Variants in PCDHA3 observed in about 807,000 individuals in gnomAD.
PCDHA3 encodes the protein protocadherin alpha-3.
In PCDHA3, 41 loss-of-function variants were observed where a neutral mutation model predicts 62.2. That is an observed-to-expected ratio of 0.66 (90% confidence interval 0.51 to 0.86). The LOEUF (loss-of-function observed/expected upper bound fraction) is 0.86. PCDHA3 is among the 40% of genes least tolerant of loss of function. The pLI is 0.00. For synonymous variants in PCDHA3, 640 were observed against 555.4 expected (o/e 1.15, Z -2.14); for missense variants, 1,304 against 1,241.2 (o/e 1.05, Z -0.76).
At position 140,810,442 on chromosome 5, in the gene PCDHA3, A is replaced by G. The variant is rs372953420; in HGVS notation, c.2394+6851A>G. 7 of 152,218 alleles carry G rather than the reference A, an allele frequency of 4.6e-5. No individual in the cohort carries two copies. In the East Asian group the frequency reaches 7.7e-4, roughly 17 times the overall value. 9.4% of individuals were successfully genotyped at this position (152,218 alleles called of 1,614,324 possible). On this transcript the variant is annotated intron_variant, in intron 1 of 3. Transcript: ENST00000522353. ...TTCCAAGATGTTTTTACCTGTTTAC[A>G]TTCCTAGTAGTGCATAAGGCTTTCT...
rs2150410181 is a variant in PCDHA3 at position 140,848,414 on chromosome 5, C to A, written c.2394+44823C>A. On this transcript the variant is annotated intron_variant, in intron 1 of 3. Transcript: ENST00000522353. ...CTGTGCTGAACGATGGCGAACACAGCAGAATGGGACTGACGAAATCAGATG... is the reference window on the plus strand; with the variant it reads ...CTGTGCTGAACGATGGCGAACACAGAAGAATGGGACTGACGAAATCAGATG... The A allele has an allele frequency of 1.2e-3, 1,716 of 1,381,822 alleles. 109 individuals carry two copies. The African/African-American group carries it at 0.021, about 17-fold the overall frequency. The allele number at this position is 1,381,822 out of a possible 1,614,324, so 85.6% of individuals were successfully genotyped here. A position where few individuals can be genotyped will look rare whatever the true frequency, so the allele number is the denominator to read the frequency against.
Position 140,892,378 on chromosome 5 carries a change from A to G in PCDHA3, c.2395-86571A>G, listed in dbSNP as rs13360703. 4.7e-3 allele frequency among the ~76,000 whole-genome samples: 722 copies of G among 152,344 alleles called. 7 individuals are homozygous for G. Among genetic ancestry groups the G allele is most frequent in the African/African-American group, 0.016 (672 of 41,584 alleles). On this transcript the variant is annotated intron_variant, in intron 1 of 3. Coordinates refer to ENST00000522353, the MANE Select transcript of PCDHA3 (RefSeq NM_018906.3). Reference sequence around the variant, plus strand: ...CAGGCATCTTGGGGCACTAGCAATCATGGGTAATCTTAATCTATTTCAAGC... The same window carrying G: ...CAGGCATCTTGGGGCACTAGCAATCGTGGGTAATCTTAATCTATTTCAAGC...
At chr5:140,885,462 G>T (rs890056404) in intron 1 of PCDHA3, among the ~76,000 whole-genome samples, 3 of 152,070 alleles carry the variant, frequency 2.0e-5, no homozygotes, top group African/African-American at 7.2e-5. Context: ...ACCTAATGAT[G>T]GGCAATCACT....
At chr5:140,883,630 G>T (rs1424400219) in intron 1 of PCDHA3, 8 of 1,613,966 alleles carry the variant, frequency 5.0e-6, no homozygotes, top group Non-Finnish European at 6.8e-6. Context: ...ACGCGCCGGC[G>T]TTCGCGCAGC....
intron 1 of PCDHA3, among the ~76,000 whole-genome samples, chr5:140,936,534 T>C (rs1327354780): frequency 1.3e-5 from 2 of 152,230 alleles, no homozygotes; most frequent in African/African-American, 2.4e-5. Context: ...TGCTTTTGAA[T>C]ATAGTGCAAT....
intron 1 of PCDHA3, chr5:140,861,376 C>G (rs1490345053): frequency 4.8e-6 from 2 of 418,688 alleles, no homozygotes; most frequent in African/African-American, 4.1e-5. Flanking sequence ...GTCCCTATTG[C>G]GCAGGACCTG....
At chr5:140,855,278 G>A (rs251360) in intron 1 of PCDHA3, among the ~76,000 whole-genome samples, 95,551 of 148,822 alleles carry the variant, frequency 0.64, 33,178 homozygotes, top group African/African-American at 0.69. Context: ...CTCAACCACC[G>A]TATTACTATT....
Position 140,850,461 on chromosome 5 carries a change from G to T in PCDHA3, c.2394+46870G>T. Reference sequence around the variant, plus strand: ...ACTGGTGCTGGTGAAAGACCACGGGGAGCCAGCGCTGACGGCCACGGCCAC... The same window carrying T: ...ACTGGTGCTGGTGAAAGACCACGGGTAGCCAGCGCTGACGGCCACGGCCAC... On this transcript the variant is annotated intron_variant, in intron 1 of 3. Transcript: ENST00000522353. The T allele has an allele frequency of 1.9e-6, 3 of 1,598,002 alleles. No individual in the cohort carries two copies. The East Asian group carries it at 6.7e-5, about 36-fold the overall frequency.
intron 1 of PCDHA3, chr5:140,816,772 C>T (rs1554127126): frequency 6.6e-6 from 1 of 151,970 alleles, no homozygotes; most frequent in Non-Finnish European, 1.5e-5. Flanking sequence ...TGTATAATTC[C>T]TAATTAGAGG....
intron 1 of PCDHA3, among the ~76,000 whole-genome samples, chr5:140,886,246 A>G (rs1337527671): frequency 1.3e-5 from 2 of 152,144 alleles, no homozygotes; most frequent in Admixed American, 1.3e-4. Flanking sequence ...AAATAAATAA[A>G]AGTATCTCTA....
intron 1 of PCDHA3, among the ~76,000 whole-genome samples, chr5:140,845,743 T>C (rs2150214472): frequency 6.7e-6 from 1 of 149,754 alleles, no homozygotes; most frequent in East Asian, 1.9e-4. Flanking sequence ...ACTTTATAGA[T>C]TTATTTGTAT....
intron 1 of PCDHA3, chr5:140,834,431 G>C (rs2150217688): frequency 1.2e-6 from 2 of 1,611,242 alleles, no homozygotes; most frequent in Admixed American, 1.7e-5. Context: ...ATCTACTGCT[G>C]TTTATTATAA....
chr5:140,805,240 C>G, intron 1 of PCDHA3: 1 of 1,345,592 alleles, frequency 7.4e-7, no homozygotes, highest in Middle Eastern at 2.5e-4. Context: ...CATTCCCCAT[C>G]TGTACATTAA....
chr5:140,999,550 G>A (rs1250301883), intron 3 of PCDHA3, among the ~76,000 whole-genome samples: 2 of 152,120 alleles, frequency 1.3e-5, no homozygotes, highest in African/African-American at 4.8e-5. Context: ...CCAATGAAGA[G>A]GGGGTATTTT....
chr5:140,863,171 C>T (rs782749533), intron 1 of PCDHA3: 11 of 696,670 alleles, frequency 1.6e-5, no homozygotes, highest in Non-Finnish European at 2.8e-5. Flanking sequence ...CTGGCGCTGA[C>T]TGCCACCGTC....
chr5:140,883,518 G>A, intron 1 of PCDHA3: 2 of 1,614,234 alleles, frequency 1.2e-6, no homozygotes, highest in South Asian at 1.1e-5. Flanking sequence ...GACCGCGAGA[G>A]CGTATCAGCC....
intron 1 of PCDHA3, chr5:140,881,320 A>G (rs186641452): frequency 3.0e-6 from 3 of 983,610 alleles, no homozygotes; most frequent in East Asian, 1.1e-4. Context: ...GTTAAATTCT[A>G]TTTAACCAGG....
intron 1 of PCDHA3, chr5:140,829,583 C>A (rs1770403312): frequency 6.2e-7 from 1 of 1,612,242 alleles, no homozygotes; most frequent in South Asian, 1.1e-5. Context: ...GGTGGAGCGG[C>A]GGGTGGGCGA....
Position 141,010,368 on chromosome 5 carries a change from C to A in PCDHA3, c.*431C>A. On this transcript the variant is annotated 3_prime_UTR_variant, in exon 4 of 4. Transcript: ENST00000522353. ...GGTATGTGTGGCTACCGCGGGTATG[C>A]GAGTGCCAGATATTGGCTGAGACGA... 2 of 1,471,050 alleles carry A rather than the reference C, an allele frequency of 1.4e-6. No homozygotes were observed. Among genetic ancestry groups the A allele is most frequent in the Non-Finnish European group, 1.8e-6 (2 of 1,106,904 alleles). The allele number at this position is 1,471,050 out of a possible 1,614,324, so 91.1% of individuals were successfully genotyped here. A position where few individuals can be genotyped will look rare whatever the true frequency, so the allele number is the denominator to read the frequency against.
Sources: allele counts gnomAD v4.1 joint callset (sites outside exome capture counted in the v4.1 genomes callset), GRCh38; gene constraint gnomAD v4.1.1; transcripts MANE v1.5; gene names NCBI Gene and HGNC (gene_info 2026-07-23, HGNC 2026-07-21).